Variants in GMEB2 observed in about 807,000 individuals in gnomAD.
The protein encoded by GMEB2 is glucocorticoid modulatory element binding protein 2.
GMEB2 carries 7 observed loss-of-function variants against 45.7 expected under a neutral mutation model. That is an observed-to-expected ratio of 0.15 (90% confidence interval 0.09 to 0.29). The LOEUF is 0.29. Ranked by LOEUF, GMEB2 falls within the 10% of genes least tolerant of loss-of-function variation. The pLI is 1.00. For synonymous variants in GMEB2, 322 were observed against 323.6 expected, an observed-to-expected ratio of 1.00 and a Z score of 0.05; for missense variants, 582 against 739.2, an observed-to-expected ratio of 0.79 and a Z score of 2.47.
rs1452214657 is a variant in GMEB2 at position 63,589,445 on chromosome 20, T to TGGGCCACCTGAGCAG, written c.*643_*644insCTGCTCAGGTGGCCC. The TGGGCCACCTGAGCAG allele has an allele frequency of 6.1e-5, 21 of 345,116 alleles. No homozygotes were observed. The highest frequency in any genetic ancestry group is 7.5e-4 in the Middle Eastern group (1 of 1,334). The allele number at this position is 345,116 out of a possible 1,614,324, so 21.4% of individuals were successfully genotyped here. On this transcript the variant is annotated 3_prime_UTR_variant, in exon 10 of 10. Transcript: ENST00000370077. ...GACCACGCCTCGTCTGTGCGGCCCC[T>TGGGCCACCTGAGCAG]GGGCCACCTGAGCACCGGCTGGGGG...
intron 1 of GMEB2, among the ~76,000 whole-genome samples, chr20:63,620,837 G>A (rs970084815): frequency 6.6e-6 from 1 of 152,084 alleles, no homozygotes; most frequent in East Asian, 1.9e-4. Flanking sequence ...TCCAGAACAC[G>A]ATCAAACTTC....
chr20:63,604,730 G>A lies in GMEB2; in HGVS notation c.229+13C>T, dbSNP rs750725485. On this transcript the variant is annotated intron_variant, in intron 3 of 9. Coordinates refer to ENST00000370077, the MANE Select transcript of GMEB2 (RefSeq NM_012384.5). ...GCAAGAAGGCAGACTTCCCACCTAG[G>A]ACGGCTTCCTACCTAACACGGCTTC... is the stretch of plus-strand genomic sequence containing the variant. 36 of 1,507,956 alleles carry A rather than the reference G, an allele frequency of 2.4e-5. No homozygotes were observed. The highest frequency in any genetic ancestry group is 3.4e-4 in the Middle Eastern group (2 of 5,904). The allele number at this position is 1,507,956 out of a possible 1,614,324, so 93.4% of individuals were successfully genotyped here.
intron 1 of GMEB2, among the ~76,000 whole-genome samples, chr20:63,626,508 G>C (rs114041606): frequency 1.4e-5 from 2 of 141,762 alleles, no homozygotes; most frequent in African/African-American, 5.2e-5. Context: ...CTGTGGGGTG[G>C]TCCCTGTGGG....
Position 63,622,626 on chromosome 20 carries a change from T to A in GMEB2, c.-57-3172A>T, listed in dbSNP as rs1396772035. Among the ~76,000 whole-genome samples the A allele has an allele frequency of 2.6e-4, 39 of 152,116 alleles. 1 individual carries two copies. The highest frequency in any genetic ancestry group is 2.6e-3 in the Admixed American group (39 of 15,266). On this transcript the variant is annotated intron_variant, in intron 1 of 9. Transcript: ENST00000370077. The stretch of plus-strand genomic sequence containing the variant: ...GGCTCTACTTCTTCCTACCTGGGCA[T>A]GGGTCTCCACACAACTCCAAGGTAA...
rs2083116496 is a variant in GMEB2, at chr20:63,588,734, CAG to C, written c.*1353_*1354del. 1 of 398,588 alleles carries C rather than the reference CAG, an allele frequency of 2.5e-6. No individual in the cohort carries two copies. The highest frequency in any genetic ancestry group is 4.4e-6 in the Non-Finnish European group (1 of 226,098). The allele number at this position is 398,588 out of a possible 1,614,324, so 24.7% of individuals were successfully genotyped here. ...CCTCAGACGGGCCTTCAACTGCCGA[CAG>C]AATCAGCAGGAGCGTCCAGGGGAAT... On this transcript the variant is annotated 3_prime_UTR_variant, in exon 10 of 10. Transcript: ENST00000370077.
intron 2 of GMEB2, among the ~76,000 whole-genome samples, chr20:63,610,337 C>T (rs1281628416): frequency 3.9e-5 from 6 of 152,068 alleles, no homozygotes; most frequent in African/African-American, 7.2e-5. Flanking sequence ...CTGGCTAACA[C>T]GGTGAAACCC....
intron 2 of GMEB2, among the ~76,000 whole-genome samples, chr20:63,605,537 A>C (rs1028130455): frequency 6.6e-6 from 1 of 151,544 alleles, no homozygotes; most frequent in African/African-American, 2.4e-5. Context: ...AAAAAAAAAA[A>C]AAAAAAAGAA....
At chr20:63,624,873 A>C (rs1399561838) in intron 1 of GMEB2, among the ~76,000 whole-genome samples, 1 of 150,862 alleles carries the variant, frequency 6.6e-6, no homozygotes, top group Non-Finnish European at 1.5e-5. Flanking sequence ...ACGCCCGGCT[A>C]ATTTTTGTAT....
At chr20:63,622,576 T>G (rs2089647506) in intron 1 of GMEB2, among the ~76,000 whole-genome samples, 1 of 152,160 alleles carries the variant, frequency 6.6e-6, no homozygotes. Flanking sequence ...GGCTGTCTTT[T>G]GTCTGGGTAT....
At chr20:63,615,625 C>G (rs1412776362) in intron 2 of GMEB2, among the ~76,000 whole-genome samples, 1 of 152,132 alleles carries the variant, frequency 6.6e-6, no homozygotes, top group Non-Finnish European at 1.5e-5. Context: ...CAGGCCTGGC[C>G]AACATAGGAA....
rs751196902 is a variant in GMEB2 at position 63,595,620 on chromosome 20, G to C, written c.609C>G (p.Ala203=). Residue 203 remains alanine (A), a synonymous_variant, in exon 6 of 10, where the codon GCC becomes GCG. Transcript: ENST00000370077. ...TSAEYIPLTP[A]AADVNGSPAT... is the part of the protein sequence containing the mutation. The stretch of plus-strand genomic sequence containing the variant: ...GCCCTGTGCACCTACCGTCGGCTGC[G>C]GCGGGCGTGAGGGGAATGTACTCGG... 4.2e-5 allele frequency: 68 copies of C among 1,608,568 alleles called. 2 individuals carry two copies. Among genetic ancestry groups the C allele is most frequent in the Middle Eastern group, 1.7e-4 (1 of 6,046 alleles).
rs1459680992 is a variant in GMEB2, at chr20:63,588,809, A to C, written c.*1280T>G. ...GACATGCCCTGTTGGAGACGGCAGG[A>C]GGCCTGGGCTGGCTGCTCCCTGAGA... is the stretch of plus-strand genomic sequence containing the variant. On this transcript the variant is annotated 3_prime_UTR_variant, in exon 10 of 10. Transcript: ENST00000370077. 2.5e-6 allele frequency: 1 copy of C among 398,708 alleles called. No individual in the cohort carries two copies. The highest frequency in any genetic ancestry group is 2.1e-5 in the African/African-American group (1 of 48,774). The allele number at this position is 398,708 out of a possible 1,614,324, so 24.7% of individuals were successfully genotyped here. A position where few individuals can be genotyped will look rare whatever the true frequency, so the allele number is the denominator to read the frequency against.
chr20:63,591,645 A>G (rs1416908021), intron 9 of GMEB2, among the ~76,000 whole-genome samples: 2 of 152,090 alleles, frequency 1.3e-5, no homozygotes, highest in Non-Finnish European at 2.9e-5. Context: ...TGTTTTTTTC[A>G]GCAGAGATGG....
chr20:63,612,620 G>A (rs1185483013), intron 2 of GMEB2, among the ~76,000 whole-genome samples: 4 of 152,210 alleles, frequency 2.6e-5, no homozygotes, highest in South Asian at 2.1e-4. Context: ...TGTCGCTTGC[G>A]TCAATCAAGG....
chr20:63,604,201 A>G (rs1437799617), intron 3 of GMEB2, among the ~76,000 whole-genome samples: 4 of 6,956 alleles, frequency 5.8e-4, no homozygotes, highest in Admixed American at 2.7e-3. Flanking sequence ...CTATTTCTTG[A>G]AAAAAAAAAA....
At chr20:63,595,219 G>A (rs572148510) in intron 6 of GMEB2, among the ~76,000 whole-genome samples, 6 of 144,602 alleles carry the variant, frequency 4.1e-5, no homozygotes, top group African/African-American at 1.3e-4. Flanking sequence ...GCACAGGCGC[G>A]CAGTTCCGTA....
At position 63,588,816 on chromosome 20, in the gene GMEB2, G is replaced by A; in HGVS notation, c.*1273C>T. 2.5e-6 allele frequency: 1 copy of A among 398,726 alleles called. No homozygotes were observed. The allele number at this position is 398,726 out of a possible 1,614,324, so 24.7% of individuals were successfully genotyped here. A position where few individuals can be genotyped will look rare whatever the true frequency, so the allele number is the denominator to read the frequency against. On this transcript the variant is annotated 3_prime_UTR_variant, in exon 10 of 10. Transcript: ENST00000370077. The stretch of plus-strand genomic sequence containing the variant: ...CCTGTTGGAGACGGCAGGAGGCCTG[G>A]GCTGGCTGCTCCCTGAGATGCCTGC...
chr20:63,614,789 C>CCT (rs1280406538), intron 2 of GMEB2, among the ~76,000 whole-genome samples: 3 of 151,770 alleles, frequency 2.0e-5, no homozygotes, highest in African/African-American at 7.3e-5. Flanking sequence ...CTCTCTCTCT[C>CCT]CTCTCTCTCT....
chr20:63,599,386 C>T (rs2083225098), intron 4 of GMEB2, among the ~76,000 whole-genome samples: 1 of 152,278 alleles, frequency 6.6e-6, no homozygotes, highest in South Asian at 2.1e-4. Flanking sequence ...ACAGCGCTTC[C>T]ATCTGGAGGC....
Sources: allele counts gnomAD v4.1 joint callset (sites outside exome capture counted in the v4.1 genomes callset), GRCh38; gene constraint gnomAD v4.1.1; transcripts MANE v1.5; gene names NCBI Gene and HGNC (gene_info 2026-07-23, HGNC 2026-07-21).